PDZRN4: variants seen among roughly 807,000 people sequenced by gnomAD.
PDZRN4 encodes the protein PDZ domain containing ring finger 4, also known as PDZ domain-containing RING finger protein 4.
In PDZRN4, 70 loss-of-function variants were observed where a neutral mutation model predicts 99.0. That is an observed-to-expected ratio of 0.71 (90% confidence interval 0.58 to 0.86). PDZRN4 has a LOEUF of 0.86. Among genes scored for constraint, PDZRN4 ranks in the 40% least tolerant of loss-of-function variants. PDZRN4 has a pLI of 0.00. For missense variants in PDZRN4, 1,474 were observed against 1,331.2 expected (o/e 1.11, Z -1.67); for synonymous variants, 551 against 501.6 (o/e 1.10, Z -1.32).
intron 3 of PDZRN4, among the ~76,000 whole-genome samples, chr12:41,259,837 C>T (rs1951225990): frequency 6.6e-6 from 1 of 152,186 alleles, no homozygotes; most frequent in South Asian, 2.1e-4. Flanking sequence ...AACTATTTCA[C>T]TTACTAGGAT....
chr12:41,407,942 A>T (rs533470288), intron 3 of PDZRN4, among the ~76,000 whole-genome samples: 1 of 152,346 alleles, frequency 6.6e-6, no homozygotes, highest in East Asian at 1.9e-4. Context: ...GATGTTATGT[A>T]CAGAATATAA....
chr12:41,335,945 A>G (rs971663839), intron 3 of PDZRN4, among the ~76,000 whole-genome samples: 26 of 152,152 alleles, frequency 1.7e-4, no homozygotes, highest in Non-Finnish European at 2.4e-4. Context: ...TCTTTAAGAA[A>G]TATCATTCTG....
At chr12:41,429,919 A>T (rs1479696018) in intron 3 of PDZRN4, among the ~76,000 whole-genome samples, 1 of 152,136 alleles carries the variant, frequency 6.6e-6, no homozygotes, top group East Asian at 1.9e-4. Flanking sequence ...AAATAGTGAT[A>T]GTAGCATTCA....
chr12:41,269,890 G>A (rs1951302321), intron 3 of PDZRN4, among the ~76,000 whole-genome samples: 1 of 152,042 alleles, frequency 6.6e-6, no homozygotes, highest in Non-Finnish European at 1.5e-5. Flanking sequence ...ACCATAATAA[G>A]CATTCTGATA....
chr12:41,218,996 A>C (rs190126863), intron 3 of PDZRN4, among the ~76,000 whole-genome samples: 1 of 152,192 alleles, frequency 6.6e-6, no homozygotes, highest in East Asian at 1.9e-4. Flanking sequence ...ATATTCCTAG[A>C]TCTAGGAATA....
rs138769054 is a variant in PDZRN4, at chr12:41,419,820, C to T, written c.844-86636C>T. On this transcript the variant is annotated intron_variant, in intron 3 of 9. Coordinates refer to ENST00000402685, the MANE Select transcript of PDZRN4 (RefSeq NM_001164595.2). Reference sequence around the variant, plus strand: ...GTCAGATGCATGCAGCACATGCAGACGCCTTATTGGTAATATTTGGTGCTT... The same window carrying T: ...GTCAGATGCATGCAGCACATGCAGATGCCTTATTGGTAATATTTGGTGCTT... 1.8e-3 allele frequency among the ~76,000 whole-genome samples: 272 copies of T among 152,182 alleles called. 2 individuals are homozygous for T. The highest frequency in any genetic ancestry group is 6.1e-3 in the African/African-American group (255 of 41,518).
intron 3 of PDZRN4, among the ~76,000 whole-genome samples, chr12:41,279,154 A>G (rs74955788): frequency 0.015 from 2,346 of 152,334 alleles, 23 homozygotes; most frequent in Middle Eastern, 0.034. Flanking sequence ...GGTTGGTAAC[A>G]TTTGAGAATC....
At chr12:41,487,344 T>C (rs1349431287) in intron 3 of PDZRN4, among the ~76,000 whole-genome samples, 1 of 152,184 alleles carries the variant, frequency 6.6e-6, no homozygotes, top group African/African-American at 2.4e-5. Flanking sequence ...TAATTTTCCA[T>C]TTTAATTAGC....
chr12:41,204,322 G>C (rs922422778), intron 3 of PDZRN4, among the ~76,000 whole-genome samples: 2 of 151,994 alleles, frequency 1.3e-5, no homozygotes, highest in Non-Finnish European at 2.9e-5. Flanking sequence ...AAGACGGAGA[G>C]AGACAAAAGG....
chr12:41,457,397 A>G (rs1286838336), intron 3 of PDZRN4, among the ~76,000 whole-genome samples: 1 of 152,216 alleles, frequency 6.6e-6, no homozygotes, highest in African/African-American at 2.4e-5. Flanking sequence ...AATAATCCGA[A>G]CTAAATTTTT....
At chr12:41,459,986 T>C (rs943860958) in intron 3 of PDZRN4, 4 of 1,288,036 alleles carry the variant, frequency 3.1e-6, no homozygotes, top group African/African-American at 1.5e-5. Flanking sequence ...CTGCATGAAA[T>C]TGAGAAATTG....
chr12:41,420,034 CTTGAT>C (rs1036099967), intron 3 of PDZRN4, among the ~76,000 whole-genome samples: 1 of 152,080 alleles, frequency 6.6e-6, no homozygotes, highest in Admixed American at 6.6e-5. Flanking sequence ...TTATTGAGTA[CTTGAT>C]TTATTTATTT....
chr12:41,194,271 G>T, intron 3 of PDZRN4, 83 bp downstream of exon 3: 1 of 712,620 alleles, frequency 1.4e-6, no homozygotes. Context: ...ACTTTACCTT[G>T]GTGTGGTGCT....
chr12:41,264,422 CTTTT>C (rs1951263580), intron 3 of PDZRN4, among the ~76,000 whole-genome samples: 1 of 151,874 alleles, frequency 6.6e-6, no homozygotes, highest in South Asian at 2.1e-4. Flanking sequence ...TTCTTATTTT[CTTTT>C]TATCATGTAG....
intron 3 of PDZRN4, among the ~76,000 whole-genome samples, chr12:41,205,572 C>T (rs1027969646): frequency 2.6e-5 from 4 of 151,890 alleles, no homozygotes; most frequent in Admixed American, 2.6e-4. Flanking sequence ...ATTCTCTTTC[C>T]CCTCCTTTAA....
At chr12:41,563,289 T>A (rs561322856) in intron 7 of PDZRN4, among the ~76,000 whole-genome samples, 130 of 152,242 alleles carry the variant, frequency 8.5e-4, no homozygotes, top group African/African-American at 3.1e-3. Flanking sequence ...TGTTGCTAGA[T>A]GTATGTTGCC....
intron 5 of PDZRN4, among the ~76,000 whole-genome samples, chr12:41,534,913 T>G (rs986075584): frequency 6.6e-6 from 1 of 152,122 alleles, no homozygotes; most frequent in African/African-American, 2.4e-5. Context: ...TATCTCCTAG[T>G]TTTTATTTCT....
chr12:41,201,366 C>A (rs1950815238), intron 3 of PDZRN4, among the ~76,000 whole-genome samples: 1 of 152,034 alleles, frequency 6.6e-6, no homozygotes, highest in South Asian at 2.1e-4. Context: ...ACTATCTTTT[C>A]TTCTCCATTG....
intron 3 of PDZRN4, among the ~76,000 whole-genome samples, chr12:41,471,318 C>T (rs949022321): frequency 6.6e-6 from 1 of 152,200 alleles, no homozygotes. Flanking sequence ...TATTTATTGT[C>T]ACATATAACA....
Sources: allele counts gnomAD v4.1 joint callset (sites outside exome capture counted in the v4.1 genomes callset), GRCh38; gene constraint gnomAD v4.1.1; transcripts MANE v1.5; gene names NCBI Gene and HGNC (gene_info 2026-07-23, HGNC 2026-07-21).